The following GCNT2 variants were observed in gnomAD, a reference collection of about 807,000 sequenced individuals.
GCNT2 encodes the protein N-acetyllactosaminide beta-1,6-N-acetylglucosaminyl-transferase.
Under a neutral mutation model 34.2 loss-of-function variants are expected in GCNT2, and 34 were observed. The ratio of observed to expected loss-of-function variants is 1.00; its 90% CI spans 0.76 to 1.32. The LOEUF is 1.32. Ranked by LOEUF, GCNT2 falls within the 40% of genes most tolerant of loss-of-function variation. The probability of loss-of-function intolerance (pLI) is 0.00; values close to 1 mark genes in which losing one functional copy is unlikely to be tolerated. For missense variants in GCNT2, 584 were observed against 489.4 expected (o/e 1.19, Z -1.82); for synonymous variants, 212 against 188.0 (o/e 1.13, Z -1.04).
At chr6:10,558,288 A>T (rs935737075) in intron 3 of GCNT2, among the ~76,000 whole-genome samples, 35 of 152,288 alleles carry the variant, frequency 2.3e-4, no homozygotes, top group African/African-American at 8.4e-4. Flanking sequence ...TAGATGAATA[A>T]ATCAGTGAGT....
chr6:10,557,082 C>T, intron 3 of GCNT2: 1 of 1,591,650 alleles, frequency 6.3e-7, no homozygotes, highest in Non-Finnish European at 8.5e-7. Context: ...GTGCTGCCCC[C>T]AGCTCATGCA....
chr6:10,544,938 T>A (rs1035674415), intron 3 of GCNT2, among the ~76,000 whole-genome samples: 3 of 139,728 alleles, frequency 2.1e-5, no homozygotes, highest in Non-Finnish European at 4.5e-5. Context: ...GAGCAAAAAC[T>A]CTGTCTCAAA....
At chr6:10,591,762 A>G (rs577469932) in intron 3 of GCNT2, among the ~76,000 whole-genome samples, 94 of 152,314 alleles carry the variant, frequency 6.2e-4, no homozygotes, top group Non-Finnish European at 1.0e-3. Flanking sequence ...TTGTTGGCTT[A>G]GGAAAAAAAC....
At chr6:10,553,708 A>C (rs1315825468) in intron 3 of GCNT2, among the ~76,000 whole-genome samples, 1 of 152,210 alleles carries the variant, frequency 6.6e-6, no homozygotes, top group Non-Finnish European at 1.5e-5. Flanking sequence ...AGCTTGGCCA[A>C]CGTGGCGAAA....
intron 1 of GCNT2, 179 bp from the exon 2 acceptor site, chr6:10,527,295 G>A (rs1473656706): frequency 6.6e-6 from 1 of 152,192 alleles, no homozygotes; most frequent in African/African-American, 2.4e-5. Flanking sequence ...CATGGTGGCA[G>A]GTGTCTGTAA....
chr6:10,523,850 G>A (rs1481434809), intron 1 of GCNT2, among the ~76,000 whole-genome samples: 1 of 151,512 alleles, frequency 6.6e-6, no homozygotes, highest in Non-Finnish European at 1.5e-5. Flanking sequence ...GTGGGCGCCT[G>A]TAGTCCCAGC....
rs746993233 is a variant in GCNT2, at chr6:10,529,194, TTCCCTTTAGCTTAC to T, written c.284_297del (p.Phe95TyrfsTer12). ...AACACTCTCTGAAGAAGAGGCTGGGTTCCCTTTAGCTTACACAGTGACCATCCACAAAGACTTCG... is the reference window on the plus strand; with the variant it reads ...AACACTCTCTGAAGAAGAGGCTGGGTACAGTGACCATCCACAAAGACTTCG... On this transcript the variant is annotated frameshift_variant, in exon 3 of 5. Transcript: ENST00000495262. LOFTEE classifies it high-confidence loss of function. The T allele has an allele frequency of 1.9e-6, 3 of 1,614,150 alleles. No homozygotes were observed. In the African/African-American group the frequency reaches 4.0e-5, roughly 22 times the overall value.
At chr6:10,562,913 C>T (rs1009273955) in intron 3 of GCNT2, among the ~76,000 whole-genome samples, 1 of 152,092 alleles carries the variant, frequency 6.6e-6, no homozygotes, top group African/African-American at 2.4e-5. Flanking sequence ...ACAAGCAGCA[C>T]TTTGGGAGAC....
At chr6:10,562,593 T>C (rs1449444889) in intron 3 of GCNT2, among the ~76,000 whole-genome samples, 1 of 143,786 alleles carries the variant, frequency 7.0e-6, no homozygotes. Flanking sequence ...GGTGTGCGCC[T>C]GTACTTCCAG....
At chr6:10,621,330 T>C (rs768023106) in intron 3 of GCNT2, 21 bp from the exon 4 acceptor site, 2 of 1,505,342 alleles carry the variant, frequency 1.3e-6, no homozygotes, top group Non-Finnish European at 1.8e-6. Context: ...TCTCTACGCT[T>C]CTTCTTTATC....
intron 3 of GCNT2, among the ~76,000 whole-genome samples, chr6:10,588,904 G>GTGTGTTGTGTGGT (rs763963079): frequency 9.4e-6 from 1 of 106,332 alleles, no homozygotes; most frequent in African/African-American, 3.4e-5. Flanking sequence ...TGTGTTGTGT[G>GTGTGTTGTGTGGT]GTGTGTGTGT....
In GCNT2 at chr6:10,626,612, T is replaced by G; in HGVS notation, c.*5T>G. 1 of 1,606,590 alleles carries G rather than the reference T, an allele frequency of 6.2e-7. No individual in the cohort carries two copies. ...CAACCCAGCTGGTATTTTTGAGCTATTCATGAGCTACTCATGACTGAAGGG... is the reference window on the plus strand; with the variant it reads ...CAACCCAGCTGGTATTTTTGAGCTAGTCATGAGCTACTCATGACTGAAGGG... On this transcript the variant is annotated 3_prime_UTR_variant, in exon 5 of 5. Coordinates refer to ENST00000495262, the MANE Select transcript of GCNT2 (RefSeq NM_145649.5).
intron 3 of GCNT2, among the ~76,000 whole-genome samples, chr6:10,617,682 C>T (rs569276892): frequency 3.3e-5 from 5 of 152,174 alleles, no homozygotes; most frequent in African/African-American, 9.6e-5. Flanking sequence ...GCCTCTGACA[C>T]CTCAGCCTCC....
intron 3 of GCNT2, among the ~76,000 whole-genome samples, chr6:10,564,615 C>G (rs918484423): frequency 1.3e-5 from 2 of 152,200 alleles, no homozygotes; most frequent in Non-Finnish European, 2.9e-5. Context: ...GCCAGATGGC[C>G]TGAATGTGAA....
At chr6:10,558,178 G>A (rs1350008715) in intron 3 of GCNT2, among the ~76,000 whole-genome samples, 2 of 152,134 alleles carry the variant, frequency 1.3e-5, no homozygotes, top group East Asian at 3.9e-4. Context: ...TTTGTTCTTG[G>A]TCTCCTCTGC....
At chr6:10,538,437 A>AAAATATATATATATATATAT (rs1554127249) in intron 3 of GCNT2, among the ~76,000 whole-genome samples, 2 of 73,342 alleles carry the variant, frequency 2.7e-5, no homozygotes, top group African/African-American at 2.4e-4. Context: ...AAAAAAAAAA[A>AAAATATATATATATATATAT]ATATATATAT....
chr6:10,561,475 C>T (rs1313302093), intron 3 of GCNT2, among the ~76,000 whole-genome samples: 2 of 152,216 alleles, frequency 1.3e-5, no homozygotes, highest in Non-Finnish European at 2.9e-5. Flanking sequence ...GCAGCATTTT[C>T]ATCTGCCTAT....
At chr6:10,572,879 A>G (rs992985909) in intron 3 of GCNT2, among the ~76,000 whole-genome samples, 1 of 152,216 alleles carries the variant, frequency 6.6e-6, no homozygotes, top group Non-Finnish European at 1.5e-5. Flanking sequence ...CTTGGAGGCA[A>G]ATTTATTCCT....
chr6:10,617,750 C>T (rs78354904), intron 3 of GCNT2, among the ~76,000 whole-genome samples: 3,265 of 101,310 alleles, frequency 0.032, 106 homozygotes, highest in African/African-American at 0.088. Context: ...TGCATTTCTT[C>T]TTTTTTTTTT....
Sources: gnomAD v4.1 joint callset for allele counts (sites outside exome capture counted in the v4.1 genomes callset) on GRCh38, gnomAD v4.1.1 for gene constraint, MANE v1.5 for transcripts, NCBI Gene and HGNC (gene_info 2026-07-23, HGNC 2026-07-21) for gene names.